The following SLX4IP variants were observed in gnomAD, a reference collection of about 807,000 sequenced individuals.
SLX4IP encodes the protein protein SLX4IP.
Under a neutral mutation model 32.9 loss-of-function variants are expected in SLX4IP, and 34 were observed. The observed-to-expected ratio is 1.03, with a 90% CI of 0.79 to 1.38. SLX4IP has a LOEUF of 1.38. Among genes scored for constraint, SLX4IP ranks in the 40% most tolerant of loss-of-function variants. SLX4IP has a pLI of 0.00. For missense variants in SLX4IP, 444 were observed against 479.0 expected, an observed-to-expected ratio of 0.93 and a Z score of 0.68; for synonymous variants, 172 against 171.7, an observed-to-expected ratio of 1.00 and a Z score of -0.01.
In SLX4IP at chr20:10,601,778, GCATT is replaced by G. The variant is rs2066844941; in HGVS notation, c.367_370del (p.Phe123ValfsTer5). The G allele has an allele frequency of 6.2e-7, 1 of 1,613,910 alleles. No individual in the cohort carries two copies. Among genetic ancestry groups the G allele is most frequent in the Non-Finnish European group, 8.5e-7 (1 of 1,179,942 alleles). ...ATTTGTGGTTTGTGTCAGTCAGCTT[GCATT>G]CAGTCGTGATCTTTTAGCAAGTCAG... On this transcript the variant is annotated frameshift_variant, in exon 6 of 8. Transcript: ENST00000334534. LOFTEE classifies it high-confidence loss of function.
chr20:10,606,302 T>G (rs143051114), intron 6 of SLX4IP, among the ~76,000 whole-genome samples: 2 of 152,330 alleles, frequency 1.3e-5, no homozygotes, highest in Non-Finnish European at 1.5e-5. Context: ...AATTAACATT[T>G]GACTGTGCAC....
intron 2 of SLX4IP, among the ~76,000 whole-genome samples, chr20:10,479,846 A>G (rs1427707604): frequency 6.6e-6 from 1 of 151,496 alleles, no homozygotes; most frequent in Admixed American, 6.6e-5. Context: ...TCTACTAAAA[A>G]CACAAAAATT....
chr20:10,627,569 A>C lies in SLX4IP; in HGVS notation c.*4190A>C, dbSNP rs893333042. ...ACAAGACAGGGAACAAATATGTGTC[A>C]ATGTGCAGCTTAACAGAGGGGACTT... On this transcript the variant is annotated 3_prime_UTR_variant, in exon 8 of 8. Coordinates refer to ENST00000334534, the MANE Select transcript of SLX4IP (RefSeq NM_001009608.3). 1.3e-5 allele frequency: 2 copies of C among 152,246 alleles called. No individual in the cohort carries two copies. The highest frequency in any genetic ancestry group is 4.8e-5 in the African/African-American group (2 of 41,464). The allele number at this position is 152,246 out of a possible 1,614,324, so 9.4% of individuals were successfully genotyped here.
chr20:10,435,997 G>A (rs2065109346), intron 1 of SLX4IP, among the ~76,000 whole-genome samples: 1 of 152,182 alleles, frequency 6.6e-6, no homozygotes, highest in Admixed American at 6.5e-5. Flanking sequence ...AGCACTGCTA[G>A]ACTGTATAAA....
chr20:10,614,887 A>G lies in SLX4IP; in HGVS notation c.406-6427A>G, dbSNP rs1056053819. On this transcript the variant is annotated intron_variant, in intron 6 of 7. Coordinates refer to ENST00000334534, the MANE Select transcript of SLX4IP (RefSeq NM_001009608.3). The stretch of plus-strand genomic sequence containing the variant: ...CACTGGCCACATTTGACTATGGAGT[A>G]TTTAAAATACGGCAAGTCAGAAATA... 6.6e-5 allele frequency among the ~76,000 whole-genome samples: 10 copies of G among 152,332 alleles called. No individual in the cohort carries two copies. In the East Asian group the frequency reaches 1.9e-3, roughly 29 times the overall value.
rs1210001850 is a variant in SLX4IP at position 10,622,833 on chromosome 20, G to C, written c.681G>C (p.Lys227Asn). 1 of 1,614,132 alleles carries C rather than the reference G, an allele frequency of 6.2e-7. No individual in the cohort carries two copies. The highest frequency in any genetic ancestry group is 2.2e-5 in the East Asian group (1 of 44,858). Residue 227 changes from lysine to asparagine, a missense_variant, in exon 8 of 8, where the codon AAG becomes AAC. Coordinates refer to ENST00000334534, the MANE Select transcript of SLX4IP (RefSeq NM_001009608.3). ...TGGGACAAGCAAAGGATTCCATAAA[G>C]GCAGCTGAGAGCCACTGGGGGCTTC... The part of the protein sequence containing the change: ...ESMGQAKDSI[K>N]AAESHWGLPV...
At chr20:10,619,233 T>G (rs2067078495) in intron 6 of SLX4IP, among the ~76,000 whole-genome samples, 1 of 145,212 alleles carries the variant, frequency 6.9e-6, no homozygotes, top group Non-Finnish European at 1.5e-5. Flanking sequence ...TTTTTTTTTT[T>G]GAAAACTAAG....
intron 4 of SLX4IP, among the ~76,000 whole-genome samples, chr20:10,580,377 G>C (rs971717736): frequency 2.6e-5 from 4 of 151,678 alleles, no homozygotes; most frequent in African/African-American, 9.7e-5. Context: ...AGTGCCCTCC[G>C]CTTCTCAGTC....
intron 6 of SLX4IP, chr20:10,613,923 G>A (rs2066996722): frequency 3.9e-6 from 5 of 1,287,280 alleles, no homozygotes; most frequent in South Asian, 2.4e-5. Context: ...CCGCCAATAC[G>A]CCTCCCAGTC....
At chr20:10,575,040 G>A (rs575001123) in intron 4 of SLX4IP, among the ~76,000 whole-genome samples, 1 of 152,154 alleles carries the variant, frequency 6.6e-6, no homozygotes, top group African/African-American at 2.4e-5. Context: ...GCTCCATGAA[G>A]ACTGATGACT....
intron 2 of SLX4IP, among the ~76,000 whole-genome samples, chr20:10,543,174 G>T (rs1371896313): frequency 1.3e-5 from 2 of 152,298 alleles, no homozygotes; most frequent in Non-Finnish European, 2.9e-5. Context: ...CCCTTTTGAA[G>T]GTAGAACTGT....
In SLX4IP at chr20:10,497,200, A is replaced by G. The variant is rs191209990; in HGVS notation, c.27+38969A>G. ...TGATTGATTGATACTTAGTTTTTCAATGTCAGAAATTACTTTGCATTGAAT... is the reference window on the plus strand; with the variant it reads ...TGATTGATTGATACTTAGTTTTTCAGTGTCAGAAATTACTTTGCATTGAAT... On this transcript the variant is annotated intron_variant, in intron 2 of 7. Coordinates refer to ENST00000334534, the MANE Select transcript of SLX4IP (RefSeq NM_001009608.3). Among the ~76,000 whole-genome samples the G allele has an allele frequency of 2.3e-3, 354 of 152,206 alleles. 1 individual carries two copies. The highest frequency in any genetic ancestry group is 8.2e-3 in the African/African-American group (341 of 41,530).
chr20:10,601,848 T>G (rs1172250973), intron 6 of SLX4IP, 29 bp downstream of exon 6: 1 of 1,573,052 alleles, frequency 6.4e-7, no homozygotes, highest in Non-Finnish European at 8.7e-7. Flanking sequence ...TATAAACAAA[T>G]AAGTCTGCTT....
At chr20:10,505,372 A>G (rs1007034477) in intron 2 of SLX4IP, among the ~76,000 whole-genome samples, 4 of 152,148 alleles carry the variant, frequency 2.6e-5, no homozygotes, top group Non-Finnish European at 5.9e-5. Context: ...CTTAAATTCT[A>G]TTTCTAGCTT....
intron 1 of SLX4IP, 149 bp from the exon 2 acceptor site, chr20:10,458,027 T>C: frequency 2.3e-6 from 1 of 440,732 alleles, no homozygotes; most frequent in Admixed American, 4.4e-5. Context: ...TAATTTAATA[T>C]AGTATTTTGG....
In SLX4IP at chr20:10,622,965, C is replaced by T. The variant is rs547364003; in HGVS notation, c.813C>T (p.Ser271=). Residue 271 remains serine, a synonymous_variant, in exon 8 of 8, where the codon AGC becomes AGT. Coordinates refer to ENST00000334534, the MANE Select transcript of SLX4IP (RefSeq NM_001009608.3). ...ERLKTGLLSR[S]PVCSCESASP... ...TAAAGACAGGGCTTCTAAGCAGGAG[C>T]CCCGTCTGTAGCTGTGAGTCAGCAT... 1.9e-6 allele frequency: 3 copies of T among 1,614,142 alleles called. No individual in the cohort carries two copies. Among genetic ancestry groups the T allele is most frequent in the Non-Finnish European group, 2.5e-6 (3 of 1,180,024 alleles).
chr20:10,536,631 C>T (rs2066047752), intron 2 of SLX4IP, among the ~76,000 whole-genome samples: 1 of 152,202 alleles, frequency 6.6e-6, no homozygotes, highest in Admixed American at 6.5e-5. Context: ...TAATGCCAGC[C>T]TGGCCACCGT....
chr20:10,535,672 G>T (rs1026201290), intron 2 of SLX4IP, among the ~76,000 whole-genome samples: 1 of 152,062 alleles, frequency 6.6e-6, no homozygotes, highest in Admixed American at 6.6e-5. Flanking sequence ...AACTTAAGAG[G>T]TTTCATCCTT....
intron 6 of SLX4IP, among the ~76,000 whole-genome samples, chr20:10,617,727 C>T (rs953436771): frequency 7.7e-5 from 11 of 143,364 alleles, no homozygotes; most frequent in African/African-American, 7.8e-5. Context: ...TGGCTTACTG[C>T]GGCCTTGACC....
Sources: gnomAD v4.1 joint callset for allele counts (sites outside exome capture counted in the v4.1 genomes callset) on GRCh38, gnomAD v4.1.1 for gene constraint, MANE v1.5 for transcripts, NCBI Gene and HGNC (gene_info 2026-07-23, HGNC 2026-07-21) for gene names.